SAMD5: variants seen among roughly 807,000 people sequenced by gnomAD.
The protein encoded by SAMD5 is sterile alpha motif domain-containing protein 5.
SAMD5 carries 13 observed loss-of-function variants against 11.3 expected under a neutral mutation model. The ratio of observed to expected loss-of-function variants is 1.15; its 90% CI spans 0.75 to 1.83. The LOEUF is 1.83. Ranked by LOEUF, SAMD5 falls within the 40% of genes most tolerant of loss-of-function variation. The probability of loss-of-function intolerance (pLI) is 0.00; values close to 1 mark genes in which losing one functional copy is unlikely to be tolerated. For synonymous variants in SAMD5, 129 were observed against 111.3 expected, an observed-to-expected ratio of 1.16 and a Z score of -1.00; for missense variants, 255 against 239.1, an observed-to-expected ratio of 1.07 and a Z score of -0.44.
At chr6:147,611,462 C>T (rs1380198155) in intron 1 of SAMD5, among the ~76,000 whole-genome samples, 1 of 151,916 alleles carries the variant, frequency 6.6e-6, no homozygotes. Context: ...ACTCAGGAGG[C>T]TGAGGCAGGA....
the SAMD5 span, among the ~76,000 whole-genome samples, chr6:147,747,027 A>G: frequency 6.6e-6 from 1 of 152,208 alleles, no homozygotes; most frequent in Admixed American, 6.5e-5. Flanking sequence ...TATCATGTCA[A>G]AAGAAAGGCC....
the SAMD5 span, among the ~76,000 whole-genome samples, chr6:147,906,650 T>C: frequency 2.0e-5 from 3 of 152,138 alleles, no homozygotes; most frequent in Non-Finnish European, 4.4e-5. Flanking sequence ...TCATTTTTGG[T>C]AGAATATCAG....
the SAMD5 span, among the ~76,000 whole-genome samples, chr6:147,817,376 A>G: frequency 2.0e-5 from 3 of 152,206 alleles, no homozygotes; most frequent in Non-Finnish European, 1.5e-5. Flanking sequence ...AGTGAAGGAA[A>G]ATGACTACAT....
At chr6:147,600,429 T>C (rs1313720773) in intron 1 of SAMD5, among the ~76,000 whole-genome samples, 1 of 152,166 alleles carries the variant, frequency 6.6e-6, no homozygotes, top group Admixed American at 6.5e-5. Context: ...TATTCCTTGA[T>C]AGATAAAAGA....
chr6:147,764,965 T>C, the SAMD5 span, among the ~76,000 whole-genome samples: 50 of 151,898 alleles, frequency 3.3e-4, no homozygotes, highest in African/African-American at 1.2e-3. Flanking sequence ...ATAATAACAT[T>C]TACAGTTTAT....
the SAMD5 span, among the ~76,000 whole-genome samples, chr6:147,846,310 C>T: frequency 6.6e-6 from 1 of 152,048 alleles, no homozygotes; most frequent in Non-Finnish European, 1.5e-5. Flanking sequence ...GTAGTCATGA[C>T]ACAAAGCCAT....
intron 1 of SAMD5, among the ~76,000 whole-genome samples, chr6:147,685,713 CT>C (rs2128456617): frequency 6.6e-6 from 1 of 152,138 alleles, no homozygotes; most frequent in East Asian, 1.9e-4. Context: ...TTTTTTCTCT[CT>C]TCTTTTTTTT....
chr6:147,682,424 A>G (rs192854074), intron 1 of SAMD5, among the ~76,000 whole-genome samples: 1 of 152,282 alleles, frequency 6.6e-6, no homozygotes, highest in African/African-American at 2.4e-5. Context: ...TGATTGGTCC[A>G]CAGTTGGTCC....
At chr6:147,527,283 C>T (rs1298229190) in intron 1 of SAMD5, among the ~76,000 whole-genome samples, 2 of 151,872 alleles carry the variant, frequency 1.3e-5, no homozygotes, top group South Asian at 2.1e-4. Flanking sequence ...CGTCTGCTTC[C>T]AGGGAGGCCT....
chr6:147,806,984 C>T, the SAMD5 span, among the ~76,000 whole-genome samples: 6 of 152,110 alleles, frequency 3.9e-5, no homozygotes, highest in African/African-American at 1.4e-4. Context: ...AAAAGATCTG[C>T]AGGGGAGTAA....
intron 1 of SAMD5, among the ~76,000 whole-genome samples, chr6:147,718,095 A>C (rs777651758): frequency 6.6e-6 from 1 of 152,162 alleles, no homozygotes; most frequent in Non-Finnish European, 1.5e-5. Flanking sequence ...TCCTATAACA[A>C]AATTACTTTC....
At chr6:147,554,478 G>A (rs1222284657) in intron 1 of SAMD5, among the ~76,000 whole-genome samples, 2 of 152,212 alleles carry the variant, frequency 1.3e-5, no homozygotes, top group Non-Finnish European at 2.9e-5. Context: ...GTTGCCAGGA[G>A]GCCACAGGCT....
intron 1 of SAMD5, among the ~76,000 whole-genome samples, chr6:147,606,856 G>A (rs1789709113): frequency 6.6e-6 from 1 of 151,418 alleles, no homozygotes; most frequent in Admixed American, 6.6e-5. Flanking sequence ...ACAAATCCAG[G>A]CAGAATGTTC....
At chr6:147,707,279 G>C (rs1348858062) in intron 1 of SAMD5, among the ~76,000 whole-genome samples, 3 of 152,188 alleles carry the variant, frequency 2.0e-5, no homozygotes, top group Non-Finnish European at 4.4e-5. Context: ...CAGAAGAGTT[G>C]ATGCTAGACT....
the SAMD5 span, among the ~76,000 whole-genome samples, chr6:147,892,578 C>T: frequency 3.9e-5 from 6 of 152,152 alleles, no homozygotes; most frequent in Non-Finnish European, 7.4e-5. Context: ...TGTCTTGGTT[C>T]CCTCCTTGAG....
intron 1 of SAMD5, among the ~76,000 whole-genome samples, chr6:147,525,562 C>T (rs746284500): frequency 7.9e-5 from 12 of 151,824 alleles, no homozygotes; most frequent in Non-Finnish European, 1.6e-4. Flanking sequence ...TAACTTTTCC[C>T]GCTTGTGACT....
chr6:147,819,337 A>G, the SAMD5 span, among the ~76,000 whole-genome samples: 32,389 of 152,030 alleles, frequency 0.21, 3,742 homozygotes, highest in African/African-American at 0.29. Flanking sequence ...GGGGTGGAGG[A>G]TAGGAGGAGA....
the SAMD5 span, among the ~76,000 whole-genome samples, chr6:147,800,848 A>C: frequency 2.0e-5 from 3 of 152,230 alleles, no homozygotes; most frequent in Admixed American, 2.0e-4. Context: ...TTTGTGTAAC[A>C]AATACCTTCA....
chr6:147,787,936 C>T, the SAMD5 span, among the ~76,000 whole-genome samples: 7 of 152,272 alleles, frequency 4.6e-5, no homozygotes, highest in African/African-American at 1.7e-4. Context: ...TCTTTGTCAG[C>T]TGTCAAAGGA....
Sources: allele counts gnomAD v4.1 joint callset (sites outside exome capture counted in the v4.1 genomes callset), GRCh38; gene constraint gnomAD v4.1.1; transcripts MANE v1.5; gene names NCBI Gene and HGNC (gene_info 2026-07-23, HGNC 2026-07-21).